Variants in ERC2 observed in about 807,000 individuals in gnomAD.
The protein encoded by ERC2 is ELKS/RAB6-interacting/CAST family member 2.
ERC2 carries 42 observed loss-of-function variants against 114.8 expected under a neutral mutation model. The ratio of observed to expected loss-of-function variants is 0.37; its 90% CI spans 0.29 to 0.47. ERC2 has a LOEUF of 0.47. ERC2 is among the 20% of genes least tolerant of loss of function. ERC2 has a pLI of 0.99. For missense variants in ERC2, 939 were observed against 1,150.7 expected (o/e 0.82, Z 2.66); for synonymous variants, 454 against 425.5 (o/e 1.07, Z -0.82).
intron 13 of ERC2, among the ~76,000 whole-genome samples, chr3:55,932,613 C>A (rs895247306): frequency 6.6e-6 from 1 of 152,204 alleles, no homozygotes; most frequent in East Asian, 1.9e-4. Flanking sequence ...CTCCTCATTT[C>A]ACAATCATCC....
intron 9 of ERC2, among the ~76,000 whole-genome samples, chr3:56,008,465 T>C (rs1010570645): frequency 2.0e-5 from 3 of 152,188 alleles, no homozygotes; most frequent in African/African-American, 7.2e-5. Flanking sequence ...TTTTGTCATA[T>C]CATTCCCACA....
At chr3:55,607,614 G>GGT (rs1553721542) in intron 17 of ERC2, among the ~76,000 whole-genome samples, 5 of 132,330 alleles carry the variant, frequency 3.8e-5, no homozygotes, top group African/African-American at 1.4e-4. Context: ...AAAATAGTGT[G>GGT]TTTTTTTTTT....
intron 13 of ERC2, among the ~76,000 whole-genome samples, chr3:55,921,519 C>T (rs1302208600): frequency 1.3e-5 from 2 of 152,022 alleles, no homozygotes; most frequent in African/African-American, 4.8e-5. Flanking sequence ...TCTGTCATCG[C>T]AAACTGAACA....
Position 55,888,377 on chromosome 3 carries a change from A to G in ERC2, c.2564+12T>C, listed in dbSNP as rs1341060447. 2.5e-6 allele frequency: 4 copies of G among 1,613,684 alleles called. No homozygotes were observed. Among genetic ancestry groups the G allele is most frequent in the Admixed American group, 3.3e-5 (2 of 60,006 alleles). On this transcript the variant is annotated intron_variant, in intron 14 of 17. Coordinates refer to ENST00000288221, the MANE Select transcript of ERC2 (RefSeq NM_015576.3). ...GAAGAGAGAGGCTACCAAAGCAGCAATGGGTACTCACTTCATCTCCAGGAT... is the reference window on the plus strand; with the variant it reads ...GAAGAGAGAGGCTACCAAAGCAGCAGTGGGTACTCACTTCATCTCCAGGAT...
chr3:56,293,111 TG>T (rs768479156), intron 3 of ERC2, among the ~76,000 whole-genome samples: 1 of 152,206 alleles, frequency 6.6e-6, no homozygotes, highest in Non-Finnish European at 1.5e-5. Flanking sequence ...AATGAATGGA[TG>T]GATGAATGAA....
chr3:55,930,847 T>A (rs1187050769), intron 13 of ERC2, among the ~76,000 whole-genome samples: 5 of 152,022 alleles, frequency 3.3e-5, no homozygotes, highest in Admixed American at 2.0e-4. Context: ...ATTTTTGCAA[T>A]CTATCCATCT....
Position 55,846,346 on chromosome 3 carries a change from C to T in ERC2, c.2564+42043G>A, listed in dbSNP as rs369444342. On this transcript the variant is annotated intron_variant, in intron 14 of 17. Transcript: ENST00000288221. Reference sequence around the variant, plus strand: ...ATGATCTCATTCTTTTTTATGGCTACATAGTATTCTATGGTGAATATTTAC... The same window carrying T: ...ATGATCTCATTCTTTTTTATGGCTATATAGTATTCTATGGTGAATATTTAC... Among the ~76,000 whole-genome samples the T allele has an allele frequency of 5.6e-3, 851 of 152,304 alleles. 9 individuals are homozygous for T. The highest frequency in any genetic ancestry group is 0.02 in the African/African-American group (815 of 41,560).
At chr3:55,811,579 G>A (rs1408003299) in intron 14 of ERC2, among the ~76,000 whole-genome samples, 1 of 152,148 alleles carries the variant, frequency 6.6e-6, no homozygotes, top group Non-Finnish European at 1.5e-5. Context: ...CCAAAACTGA[G>A]CTCAATTTCT....
chr3:56,339,425 A>G (rs17825421), intron 2 of ERC2, among the ~76,000 whole-genome samples: 47,162 of 151,568 alleles, frequency 0.31, 7,435 homozygotes, highest in Admixed American at 0.34. Context: ...GGGAGGAAGG[A>G]CACTCAGAAT....
intron 15 of ERC2, among the ~76,000 whole-genome samples, chr3:55,712,219 T>C (rs934248217): frequency 1.3e-5 from 2 of 152,144 alleles, no homozygotes; most frequent in African/African-American, 2.4e-5. Context: ...AGAAAATTAG[T>C]TGGGGCTGAT....
At chr3:56,023,331 C>T (rs1000642915) in intron 7 of ERC2, among the ~76,000 whole-genome samples, 2 of 152,148 alleles carry the variant, frequency 1.3e-5, no homozygotes, top group African/African-American at 4.8e-5. Context: ...TGATATCATA[C>T]ATGAGGCCCT....
chr3:56,239,779 T>C (rs1576020847), intron 3 of ERC2, among the ~76,000 whole-genome samples: 1 of 152,292 alleles, frequency 6.6e-6, no homozygotes, highest in East Asian at 1.9e-4. Flanking sequence ...GAGGCATAAA[T>C]AATATTTCTG....
rs150960819 is a variant in ERC2 at position 55,787,664 on chromosome 3, C to A, written c.2565-52746G>T. Among the ~76,000 whole-genome samples, 365 of 152,220 alleles carry A rather than the reference C, an allele frequency of 2.4e-3. 2 individuals are homozygous for A. The highest frequency in any genetic ancestry group is 8.4e-3 in the African/African-American group (348 of 41,530). On this transcript the variant is annotated intron_variant, in intron 14 of 17. Coordinates refer to ENST00000288221, the MANE Select transcript of ERC2 (RefSeq NM_015576.3). The stretch of plus-strand genomic sequence containing the variant: ...AAATAGGAACAAGGGATATAAGAAG[C>A]ATTCTTCTCTCCAGTAAATCTACAA...
At chr3:56,364,234 G>A (rs900280486) in intron 2 of ERC2, among the ~76,000 whole-genome samples, 1 of 152,166 alleles carries the variant, frequency 6.6e-6, no homozygotes, top group East Asian at 1.9e-4. Flanking sequence ...TAGGGGCTGG[G>A]GGATTGGGAA....
chr3:55,600,586 T>C (rs147162932), intron 17 of ERC2, among the ~76,000 whole-genome samples: 29 of 152,366 alleles, frequency 1.9e-4, no homozygotes, highest in African/African-American at 6.5e-4. Flanking sequence ...TTTTGCATTA[T>C]ACCCCTTTGA....
chr3:56,095,090 T>C (rs1486515303), intron 6 of ERC2, among the ~76,000 whole-genome samples: 1 of 152,046 alleles, frequency 6.6e-6, no homozygotes, highest in African/African-American at 2.4e-5. Flanking sequence ...TCATTTATAC[T>C]AAATAAAATA....
intron 3 of ERC2, among the ~76,000 whole-genome samples, chr3:56,253,240 A>G (rs2052298156): frequency 6.6e-6 from 1 of 152,228 alleles, no homozygotes; most frequent in African/African-American, 2.4e-5. Context: ...TTAAAAATAA[A>G]TACAAGTAAT....
At chr3:56,423,137 A>ACAT (rs1460004810) in intron 2 of ERC2, among the ~76,000 whole-genome samples, 1 of 152,272 alleles carries the variant, frequency 6.6e-6, no homozygotes, top group African/African-American at 2.4e-5. Flanking sequence ...TTTTAAAAAG[A>ACAT]CATCATTGAC....
intron 2 of ERC2, among the ~76,000 whole-genome samples, chr3:56,378,907 T>A (rs1288547425): frequency 1.3e-5 from 2 of 152,192 alleles, no homozygotes; most frequent in African/African-American, 4.8e-5. Context: ...CCAATGGAAG[T>A]GTAATGCAAG....
Sources: allele counts gnomAD v4.1 joint callset (sites outside exome capture counted in the v4.1 genomes callset), GRCh38; gene constraint gnomAD v4.1.1; transcripts MANE v1.5; gene names NCBI Gene and HGNC (gene_info 2026-07-23, HGNC 2026-07-21).